Variants in IFT88 observed in about 807,000 individuals in gnomAD.
IFT88 encodes intraflagellar transport 88, also known as intraflagellar transport protein 88 homolog.
In IFT88, 74 loss-of-function variants were observed where a neutral mutation model predicts 119.5. The ratio of observed to expected loss-of-function variants is 0.62; its 90% CI spans 0.51 to 0.75. The LOEUF is 0.75. Among genes scored for constraint, IFT88 ranks in the 30% least tolerant of loss-of-function variants. IFT88 has a pLI of 0.00. For missense variants in IFT88, 961 were observed against 977.7 expected, an observed-to-expected ratio of 0.98 and a Z score of 0.23; for synonymous variants, 279 against 316.7, an observed-to-expected ratio of 0.88 and a Z score of 1.26.
chr13:20,571,869 AG>A (rs1369496935), intron 1 of IFT88, among the ~76,000 whole-genome samples: 1 of 152,188 alleles, frequency 6.6e-6, no homozygotes, highest in Non-Finnish European at 1.5e-5. Flanking sequence ...AGCCAGTTTC[AG>A]CAGCCAGACT....
chr13:20,691,116 A>C lies in IFT88; in HGVS notation c.2416A>C (p.Arg806=), dbSNP rs560945934. The C allele has an allele frequency of 3.7e-6, 6 of 1,613,968 alleles. No individual in the cohort carries two copies. The African/African-American group carries it at 8.0e-5, about 22-fold the overall frequency. The change falls in exon 26 of 26, where the codon AGG becomes CGG. Residue 806 remains arginine (R), a synonymous_variant. Coordinates refer to ENST00000351808, the MANE Select transcript of IFT88 (RefSeq NM_006531.5). ...IERPKTAAKK[R]IDEDDFADEE... ...ACGACCAAAAACTGCAGCCAAGAAA[A>C]GGATCGATGAGGATGATTTTGCTGA...
intron 6 of IFT88, 139 bp downstream of exon 6, chr13:20,591,820 A>G (rs2040737491): frequency 3.4e-6 from 2 of 590,312 alleles, no homozygotes; most frequent in Admixed American, 3.3e-5. Flanking sequence ...TTTAGGTACC[A>G]TTAAGAAAGG....
At chr13:20,626,210 A>G (rs2480428) in intron 15 of IFT88, among the ~76,000 whole-genome samples, 73,914 of 150,794 alleles carry the variant, frequency 0.49, 19,087 homozygotes, top group East Asian at 0.7. Context: ...ATAAGCACCC[A>G]CCACCATGCC....
intron 7 of IFT88, among the ~76,000 whole-genome samples, chr13:20,594,218 C>G (rs1312646688): frequency 6.6e-6 from 1 of 152,124 alleles, no homozygotes; most frequent in East Asian, 1.9e-4. Context: ...TGGCTTTCCC[C>G]AAGCGCCTGC....
chr13:20,615,733 G>A (rs1392607913), intron 13 of IFT88, 60 bp from the exon 14 acceptor site: 1 of 950,644 alleles, frequency 1.1e-6, no homozygotes, highest in Non-Finnish European at 1.6e-6. Flanking sequence ...TAAATTTTAG[G>A]AAATCCAAAC....
At chr13:20,620,977 C>T (rs931770145) in intron 14 of IFT88, among the ~76,000 whole-genome samples, 4 of 152,188 alleles carry the variant, frequency 2.6e-5, no homozygotes, top group African/African-American at 7.2e-5. Context: ...AGCCTGCTGG[C>T]GCCTTGTTCT....
chr13:20,575,908 T>C (rs887795291), intron 2 of IFT88, among the ~76,000 whole-genome samples: 4 of 152,248 alleles, frequency 2.6e-5, no homozygotes, highest in Non-Finnish European at 5.9e-5. Context: ...TTGGATCATA[T>C]GATAGATCTA....
chr13:20,682,595 A>G (rs1473327373), intron 24 of IFT88, among the ~76,000 whole-genome samples: 1 of 152,226 alleles, frequency 6.6e-6, no homozygotes, highest in African/African-American at 2.4e-5. Context: ...GTCCCCAAGT[A>G]GGAGTGAGGA....
At position 20,648,565 on chromosome 13, in the gene IFT88, T is replaced by TA. The variant is rs550011911; in HGVS notation, c.1949+3615dup. 9.6e-4 allele frequency among the ~76,000 whole-genome samples: 145 copies of TA among 151,438 alleles called. No individual in the cohort carries two copies. In the Middle Eastern group the frequency reaches 0.021, roughly 22 times the overall value. On this transcript the variant is annotated intron_variant, in intron 20 of 25. Coordinates refer to ENST00000351808, the MANE Select transcript of IFT88 (RefSeq NM_006531.5). ...ATAACTAAAAATCGAAATAGTACACTAAAAAAAATCAACAAAATACCAAAA... is the reference window on the plus strand; with the variant it reads ...ATAACTAAAAATCGAAATAGTACACTAAAAAAAAATCAACAAAATACCAAAA...
chr13:20,581,898 C>T (rs1273486692), intron 2 of IFT88, among the ~76,000 whole-genome samples: 2 of 150,614 alleles, frequency 1.3e-5, no homozygotes, highest in Admixed American at 6.6e-5. Context: ...ATTAAGAAGA[C>T]TTGTATGCAA....
intron 2 of IFT88, among the ~76,000 whole-genome samples, chr13:20,580,123 C>CT (rs564153672): frequency 5.6e-4 from 86 of 152,224 alleles, no homozygotes; most frequent in African/African-American, 2.1e-3. Flanking sequence ...TTTCTGTTTA[C>CT]TTTTTTACAT....
intron 7 of IFT88, among the ~76,000 whole-genome samples, chr13:20,593,904 A>C (rs1413349330): frequency 6.6e-6 from 1 of 151,854 alleles, no homozygotes; most frequent in Admixed American, 6.6e-5. Context: ...TTAAAAAATT[A>C]GCTGGGTATG....
At chr13:20,632,285 T>A (rs1177641816) in intron 16 of IFT88, 2 of 152,152 alleles carry the variant, frequency 1.3e-5, no homozygotes, top group South Asian at 2.1e-4. Context: ...TTAGAGGAAA[T>A]GATCCGAGAT....
Position 20,592,359 on chromosome 13 carries a change from A to G in IFT88, c.353A>G (p.Gln118Arg), listed in dbSNP as rs747457589. 4 of 1,611,230 alleles carry G rather than the reference A, an allele frequency of 2.5e-6. No individual in the cohort carries two copies. Among genetic ancestry groups the G allele is most frequent in the Non-Finnish European group, 3.4e-6 (4 of 1,178,906 alleles). Reference protein sequence around the residue: ...LRGSAFDPLSQSRGPASPLEA... With the variant: ...LRGSAFDPLSRSRGPASPLEA... ...GGCTCTGCATTTGACCCCCTTAGTC[A>G]GTCAAGGGGCCCTGCTTCCCCTTTG... Residue 118 changes from glutamine (Q) to arginine (R), a missense_variant, in exon 7 of 26, where the codon CAG (glutamine) becomes CGG (arginine). Physicochemically the swap from Gln to Arg is conservative, Grantham distance 43. Transcript: ENST00000351808.
At chr13:20,607,682 G>T in intron 13 of IFT88, 1 of 870,336 alleles carries the variant, frequency 1.1e-6, no homozygotes, top group South Asian at 1.3e-5. Context: ...GGTCAGCAGC[G>T]ACTTGACTAC....
intron 24 of IFT88, among the ~76,000 whole-genome samples, chr13:20,683,011 C>T (rs149516475): frequency 0.012 from 1,854 of 152,210 alleles, 36 homozygotes; most frequent in African/African-American, 0.043. Flanking sequence ...GCTGCAGTGC[C>T]CTCATAAGTT....
At chr13:20,616,432 A>G (rs570522571) in intron 14 of IFT88, among the ~76,000 whole-genome samples, 25 of 152,288 alleles carry the variant, frequency 1.6e-4, no homozygotes, top group South Asian at 8.3e-4. Flanking sequence ...TACCTTTTCT[A>G]TGTTTAGATA....
rs527913387 is a variant in IFT88, at chr13:20,675,138, G to A, written c.2242+4099G>A. 4.6e-5 allele frequency among the ~76,000 whole-genome samples: 7 copies of A among 152,242 alleles called. No individual in the cohort carries two copies. In the East Asian group the frequency reaches 1.2e-3, roughly 25 times the overall value. On this transcript the variant is annotated intron_variant, in intron 24 of 25. Coordinates refer to ENST00000351808, the MANE Select transcript of IFT88 (RefSeq NM_006531.5). ...AGTCATGCTCAGTGCCCACAAGGGAGGACGAGACAAGGAGTGTACGCTCTG... is the reference window on the plus strand; with the variant it reads ...AGTCATGCTCAGTGCCCACAAGGGAAGACGAGACAAGGAGTGTACGCTCTG...
At chr13:20,588,533 A>G (rs1311362548) in intron 3 of IFT88, among the ~76,000 whole-genome samples, 5 of 152,216 alleles carry the variant, frequency 3.3e-5, no homozygotes, top group Non-Finnish European at 5.9e-5. Flanking sequence ...ACTACTCAGT[A>G]TGAGAGACAC....
Sources: gnomAD v4.1 joint callset for allele counts (sites outside exome capture counted in the v4.1 genomes callset) on GRCh38, gnomAD v4.1.1 for gene constraint, MANE v1.5 for transcripts, NCBI Gene and HGNC (gene_info 2026-07-23, HGNC 2026-07-21) for gene names.